ANO10: variants seen among roughly 807,000 people sequenced by gnomAD.
The protein encoded by ANO10 is anoctamin-10.
In ANO10, 77 loss-of-function variants were observed where a neutral mutation model predicts 74.7. The ratio of observed to expected loss-of-function variants is 1.03; its 90% confidence interval spans 0.86 to 1.25. ANO10 has a LOEUF of 1.25. Among genes scored for constraint, ANO10 ranks in the 50% most tolerant of loss-of-function variants. ANO10 has a pLI of 0.00. For synonymous variants in ANO10, 279 were observed against 284.9 expected, an observed-to-expected ratio of 0.98 and a Z score of 0.21; for missense variants, 721 against 778.1, an observed-to-expected ratio of 0.93 and a Z score of 0.87.
Position 43,567,882 on chromosome 3 carries a change from G to C in ANO10, c.1219-2155C>G, listed in dbSNP as rs529706483. Among the ~76,000 whole-genome samples, 813 of 152,204 alleles carry C rather than the reference G, an allele frequency of 5.3e-3. 7 individuals are homozygous for C. Among genetic ancestry groups the C allele is most frequent in the African/African-American group, 0.018 (758 of 41,522 alleles). ...CTAAATGCTCCAATTAAAAGACACA[G>C]ACGGGCAAACTGGATAAAGACTCAA... On this transcript the variant is annotated intron_variant, in intron 7 of 12. Coordinates refer to ENST00000292246, the MANE Select transcript of ANO10 (RefSeq NM_018075.5).
At chr3:43,514,684 A>G (rs1446197417) in intron 11 of ANO10, among the ~76,000 whole-genome samples, 1 of 152,222 alleles carries the variant, frequency 6.6e-6, no homozygotes, top group Non-Finnish European at 1.5e-5. Flanking sequence ...CATTCTTTTC[A>G]GATGCACATG....
intron 12 of ANO10, among the ~76,000 whole-genome samples, chr3:43,380,420 G>C (rs926908493): frequency 6.6e-6 from 1 of 152,156 alleles, no homozygotes; most frequent in African/African-American, 2.4e-5. Flanking sequence ...AGAATCTTAA[G>C]AGCTGGGAGG....
chr3:43,691,206 C>G, intron 1 of ANO10: 1 of 573,926 alleles, frequency 1.7e-6, no homozygotes. Context: ...AGAGGCGTCC[C>G]GGCGCCGCTC....
At chr3:43,509,703 TC>T (rs1158543090) in intron 11 of ANO10, among the ~76,000 whole-genome samples, 1 of 152,142 alleles carries the variant, frequency 6.6e-6, no homozygotes, top group Non-Finnish European at 1.5e-5. Context: ...TGAACATTAA[TC>T]CCAGAGAAAG....
intron 11 of ANO10, among the ~76,000 whole-genome samples, chr3:43,500,576 T>C (rs990508885): frequency 6.6e-6 from 1 of 152,186 alleles, no homozygotes; most frequent in Non-Finnish European, 1.5e-5. Flanking sequence ...TACTAAAATG[T>C]GGGAGAAGTT....
rs563463157 is a variant in ANO10 at position 43,566,370 on chromosome 3, A to T, written c.1219-643T>A. On this transcript the variant is annotated intron_variant, in intron 7 of 12. Coordinates refer to ENST00000292246, the MANE Select transcript of ANO10 (RefSeq NM_018075.5). ...AGGCCTGCCTGCCTCTGTAGGCTCC[A>T]CCTCTGGGGGCAGGGCACAGACAAA... Among the ~76,000 whole-genome samples the T allele has an allele frequency of 5.3e-5, 8 of 152,306 alleles. No individual in the cohort carries two copies. The South Asian group carries it at 1.7e-3, about 32-fold the overall frequency.
At chr3:43,416,591 G>C (rs1271711577) in intron 12 of ANO10, among the ~76,000 whole-genome samples, 1 of 152,184 alleles carries the variant, frequency 6.6e-6, no homozygotes. Flanking sequence ...ATTTTAGCAG[G>C]TCTGGTATTC....
intron 11 of ANO10, among the ~76,000 whole-genome samples, chr3:43,495,848 T>C (rs564212402): frequency 1.2e-4 from 19 of 152,112 alleles, no homozygotes; most frequent in South Asian, 4.2e-4. Flanking sequence ...TACAGGTGCC[T>C]GCCACCACAC....
At chr3:43,479,325 A>T (rs2076184111) in intron 11 of ANO10, among the ~76,000 whole-genome samples, 1 of 152,196 alleles carries the variant, frequency 6.6e-6, no homozygotes, top group South Asian at 2.1e-4. Flanking sequence ...CATTTTAAAC[A>T]TTGTTGTTGC....
intron 4 of ANO10, among the ~76,000 whole-genome samples, chr3:43,596,495 A>C (rs988588541): frequency 6.6e-5 from 10 of 152,168 alleles, no homozygotes; most frequent in African/African-American, 2.4e-4. Flanking sequence ...CAAACCTGAC[A>C]AAAACAAGAA....
intron 11 of ANO10, among the ~76,000 whole-genome samples, chr3:43,489,417 G>A (rs2076631506): frequency 6.6e-6 from 1 of 152,100 alleles, no homozygotes; most frequent in Non-Finnish European, 1.5e-5. Context: ...ATAAGCTTCT[G>A]TACCTTACTG....
At chr3:43,639,559 T>C (rs1194533602) in intron 1 of ANO10, among the ~76,000 whole-genome samples, 3 of 152,042 alleles carry the variant, frequency 2.0e-5, no homozygotes, top group Non-Finnish European at 4.4e-5. Context: ...GGTCAGGAGA[T>C]TGAGACCATC....
chr3:43,498,655 T>A (rs764240448), intron 11 of ANO10, among the ~76,000 whole-genome samples: 3 of 152,216 alleles, frequency 2.0e-5, no homozygotes, highest in African/African-American at 7.2e-5. Context: ...GTCTGGACTA[T>A]GCAGCTTACT....
chr3:43,647,124 G>A (rs2083733827), intron 1 of ANO10, among the ~76,000 whole-genome samples: 1 of 149,716 alleles, frequency 6.7e-6, no homozygotes. Flanking sequence ...ATTCTTCAAA[G>A]AACCAGAACC....
intron 1 of ANO10, among the ~76,000 whole-genome samples, chr3:43,684,559 G>A (rs1463234671): frequency 3.9e-5 from 6 of 152,242 alleles, no homozygotes; most frequent in African/African-American, 1.4e-4. Flanking sequence ...AATACCATTT[G>A]ACCCAGCCAT....
chr3:43,628,533 A>C (rs866744054), intron 1 of ANO10, among the ~76,000 whole-genome samples: 1 of 152,258 alleles, frequency 6.6e-6, no homozygotes, highest in African/African-American at 2.4e-5. Flanking sequence ...ACAGGATAAC[A>C]GCAATGTTTA....
At chr3:43,656,412 T>TGTGCC (rs1379643519) in intron 1 of ANO10, among the ~76,000 whole-genome samples, 7 of 152,228 alleles carry the variant, frequency 4.6e-5, no homozygotes, top group Admixed American at 2.0e-4. Context: ...CTGCCAGTCC[T>TGTGCC]GTGCCGTGCG....
At chr3:43,392,514 T>C (rs2092296639) in intron 12 of ANO10, among the ~76,000 whole-genome samples, 1 of 152,262 alleles carries the variant, frequency 6.6e-6, no homozygotes, top group Admixed American at 6.5e-5. Context: ...TTCCATTGTA[T>C]GGACAAGAGA....
chr3:43,416,186 T>C (rs917853285), intron 12 of ANO10, among the ~76,000 whole-genome samples: 7 of 152,232 alleles, frequency 4.6e-5, no homozygotes, highest in Non-Finnish European at 8.8e-5. Flanking sequence ...AATATGCCTA[T>C]CTTTTTTCAG....
Sources: allele counts gnomAD v4.1 joint callset (sites outside exome capture counted in the v4.1 genomes callset), GRCh38; gene constraint gnomAD v4.1.1; transcripts MANE v1.5; gene names NCBI Gene and HGNC (gene_info 2026-07-23, HGNC 2026-07-21).